The following RBFOX3 variants were observed in gnomAD, a reference collection of about 807,000 sequenced individuals.
The protein encoded by RBFOX3 is RNA binding protein fox-1 homolog 3.
RBFOX3 carries 17 observed loss-of-function variants against 48.7 expected under a neutral mutation model. That is an observed-to-expected ratio of 0.35 (90% CI 0.24 to 0.52). The LOEUF (loss-of-function observed/expected upper bound fraction) is 0.52. Among genes scored for constraint, RBFOX3 ranks in the 20% least tolerant of loss-of-function variants. The pLI is 0.94. For synonymous variants in RBFOX3, 212 were observed against 209.5 expected (o/e 1.01, Z -0.10); for missense variants, 382 against 497.5 (o/e 0.77, Z 2.21).
At chr17:79,348,666 C>T (rs576436050) in intron 2 of RBFOX3, among the ~76,000 whole-genome samples, 2 of 148,700 alleles carry the variant, frequency 1.3e-5, no homozygotes, top group African/African-American at 4.9e-5. Flanking sequence ...CTGCAACCTC[C>T]GCCTCCTGGG....
chr17:79,656,761 GGAAGGAAGGAAGGAAGGAAA>G, the RBFOX3 span, among the ~76,000 whole-genome samples: 241 of 55,608 alleles, frequency 4.3e-3, 2 homozygotes, highest in Middle Eastern at 0.012. Context: ...AAGGAAGGAA[GGAAGGAAGGAAGGAAGGAAA>G]GAAAGAAAGA....
intron 2 of RBFOX3, among the ~76,000 whole-genome samples, chr17:79,422,995 C>T (rs1478874521): frequency 6.6e-6 from 1 of 152,164 alleles, no homozygotes; most frequent in African/African-American, 2.4e-5. Flanking sequence ...AAGGCGGCAT[C>T]TACACCAGAA....
At chr17:79,101,441 G>A (rs944632801) in intron 9 of RBFOX3, 143 bp downstream of exon 9, 6 of 738,370 alleles carry the variant, frequency 8.1e-6, no homozygotes, top group African/African-American at 1.7e-5. Flanking sequence ...ACCGGGAGCA[G>A]AGCGGCAGCC....
At chr17:79,595,427 C>T (rs1296400845) in intron 1 of RBFOX3, among the ~76,000 whole-genome samples, 2 of 152,224 alleles carry the variant, frequency 1.3e-5, no homozygotes, top group Non-Finnish European at 2.9e-5. Context: ...AGACAGTGCA[C>T]CAGGTCCACA....
intron 3 of RBFOX3, among the ~76,000 whole-genome samples, chr17:79,282,258 C>G (rs907599350): frequency 6.6e-6 from 1 of 152,084 alleles, no homozygotes; most frequent in Non-Finnish European, 1.5e-5. Context: ...AACACGGCCA[C>G]GAAAGCAGGG....
chr17:79,277,608 C>G (rs1237505239), intron 3 of RBFOX3, among the ~76,000 whole-genome samples: 1 of 152,248 alleles, frequency 6.6e-6, no homozygotes, highest in African/African-American at 2.4e-5. Context: ...CTGCCCAAAC[C>G]TCCCCAGGCT....
At chr17:79,147,350 T>A (rs570611451) in intron 4 of RBFOX3, among the ~76,000 whole-genome samples, 1 of 152,166 alleles carries the variant, frequency 6.6e-6, no homozygotes, top group African/African-American at 2.4e-5. Context: ...GAAACCCAGA[T>A]GTAGAGAAGA....
intron 9 of RBFOX3, chr17:79,100,195 C>G (rs1383984033): frequency 6.6e-6 from 1 of 152,348 alleles, no homozygotes; most frequent in Non-Finnish European, 1.5e-5. Flanking sequence ...TCTGCCCAGA[C>G]AGCGGTGGGT....
At chr17:79,273,243 G>C (rs1281193613) in intron 3 of RBFOX3, among the ~76,000 whole-genome samples, 2 of 152,182 alleles carry the variant, frequency 1.3e-5, no homozygotes, top group Non-Finnish European at 2.9e-5. Context: ...GAAGCCCCCA[G>C]GAGTGACGTC....
At chr17:79,188,292 C>T (rs993262511) in intron 4 of RBFOX3, among the ~76,000 whole-genome samples, 6 of 152,358 alleles carry the variant, frequency 3.9e-5, no homozygotes, top group East Asian at 3.9e-4. Flanking sequence ...GCCCAGCTGC[C>T]GGGGCCAGCA....
intron 2 of RBFOX3, among the ~76,000 whole-genome samples, chr17:79,399,920 A>T (rs2062576033): frequency 6.6e-6 from 1 of 152,212 alleles, no homozygotes; most frequent in South Asian, 2.1e-4. Context: ...GAATCTAGAC[A>T]TCGTTTCCCA....
At chr17:79,650,924 A>T in the RBFOX3 span, among the ~76,000 whole-genome samples, 6 of 152,138 alleles carry the variant, frequency 3.9e-5, no homozygotes, top group Admixed American at 3.9e-4. Context: ...CGTGGGGGTG[A>T]CAGGGTCCTG....
In RBFOX3 at chr17:79,587,809, C is replaced by T. The variant is rs997375078; in HGVS notation, c.-320+23017G>A. On this transcript the variant is annotated intron_variant, in intron 1 of 14. Coordinates refer to ENST00000693108, the MANE Select transcript of RBFOX3 (RefSeq NM_001350451.2). ...ATGAAGGAGCCCACGGGGAAGCAGACGGAGCTACTTCACGGGAGGACGGAA... is the reference window on the plus strand; with the variant it reads ...ATGAAGGAGCCCACGGGGAAGCAGATGGAGCTACTTCACGGGAGGACGGAA... Among the ~76,000 whole-genome samples the T allele has an allele frequency of 7.2e-5, 11 of 152,256 alleles. No individual in the cohort carries two copies. The East Asian group carries it at 1.5e-3, about 21-fold the overall frequency.
chr17:79,402,299 CT>C (rs922081749), intron 2 of RBFOX3, among the ~76,000 whole-genome samples: 9 of 152,322 alleles, frequency 5.9e-5, no homozygotes, highest in African/African-American at 1.7e-4. Context: ...TTCATTACCC[CT>C]GATGTGTGAT....
At chr17:79,470,237 G>A (rs923350624) in intron 2 of RBFOX3, among the ~76,000 whole-genome samples, 2 of 150,116 alleles carry the variant, frequency 1.3e-5, no homozygotes, top group East Asian at 2.0e-4. Context: ...AGACACCACC[G>A]CAGCCCCAGT....
chr17:79,430,003 C>T (rs949234738), intron 2 of RBFOX3, among the ~76,000 whole-genome samples: 7 of 152,130 alleles, frequency 4.6e-5, no homozygotes, highest in Non-Finnish European at 1.0e-4. Context: ...ACATCAGAGT[C>T]CAGGCAGGGG....
At position 79,362,103 on chromosome 17, in the gene RBFOX3, C is replaced by A. The variant is rs549836058; in HGVS notation, c.-174-54279G>T. 3.3e-5 allele frequency among the ~76,000 whole-genome samples: 5 copies of A among 152,304 alleles called. No individual in the cohort carries two copies. The highest frequency in any genetic ancestry group is 1.2e-4 in the African/African-American group (5 of 41,568). Reference sequence around the variant, plus strand: ...GTGGTGGGTAACAGATCACTCCCTTCGAGAGAATCCACTCCACTGCCAGCT... The same window carrying A: ...GTGGTGGGTAACAGATCACTCCCTTAGAGAGAATCCACTCCACTGCCAGCT... On this transcript the variant is annotated intron_variant, in intron 2 of 14. Transcript: ENST00000693108. This position sits in a 1 kb window ranked among gnomAD's most constrained non-coding sequence, Gnocchi z 4.2.
At chr17:79,268,706 C>T (rs963673324) in intron 3 of RBFOX3, among the ~76,000 whole-genome samples, 3 of 152,200 alleles carry the variant, frequency 2.0e-5, no homozygotes, top group African/African-American at 7.2e-5. Context: ...TGGCATCCCT[C>T]CCGCTCCCTG....
intron 4 of RBFOX3, among the ~76,000 whole-genome samples, chr17:79,117,070 A>G (rs1416145407): frequency 1.3e-5 from 2 of 152,188 alleles, no homozygotes; most frequent in African/African-American, 4.8e-5. Flanking sequence ...GTGCAGGCGG[A>G]GGCGGCAGAG....
Sources: allele counts gnomAD v4.1 joint callset (sites outside exome capture counted in the v4.1 genomes callset), GRCh38; gene constraint gnomAD v4.1.1; non-coding constraint Gnocchi (gnomAD v3.1); transcripts MANE v1.5; gene names NCBI Gene and HGNC (gene_info 2026-07-23, HGNC 2026-07-21).